The following KDM2B variants were observed in gnomAD, a reference collection of about 807,000 sequenced individuals.
The protein encoded by KDM2B is lysine-specific demethylase 2B.
In KDM2B, 26 loss-of-function variants were observed where a neutral mutation model predicts 150.0. The observed-to-expected ratio is 0.17, with a 90% CI of 0.13 to 0.24. The LOEUF is 0.24. KDM2B is among the 10% of genes least tolerant of loss of function. The probability of loss-of-function intolerance (pLI) is 1.00; values close to 1 mark genes in which losing one functional copy is unlikely to be tolerated. For missense variants in KDM2B, 1,265 were observed against 1,816.9 expected (o/e 0.70, Z 5.52); for synonymous variants, 734 against 729.5 (o/e 1.01, Z -0.10).
chr12:121,552,676 TAAAA>T (rs5801436), intron 4 of KDM2B, among the ~76,000 whole-genome samples: 1 of 131,844 alleles, frequency 7.6e-6, no homozygotes, highest in South Asian at 2.4e-4. Context: ...CTGTCTTAAT[TAAAA>T]AAAAAAAAAA....
chr12:121,509,451 C>G, intron 11 of KDM2B, 116 bp downstream of exon 11: 1 of 1,496,284 alleles, frequency 6.7e-7, no homozygotes, highest in Non-Finnish European at 8.8e-7. Context: ...AGCGCCCACC[C>G]GAATGCTCAG....
intron 12 of KDM2B, among the ~76,000 whole-genome samples, chr12:121,489,099 T>C (rs1326568492): frequency 1.3e-5 from 2 of 151,584 alleles, no homozygotes; most frequent in Middle Eastern, 3.2e-3. Flanking sequence ...TGAGCCACCA[T>C]GCCTGGCCTC....
At chr12:121,511,042 GCT>G (rs1555303900) in intron 10 of KDM2B, among the ~76,000 whole-genome samples, 2 of 149,780 alleles carry the variant, frequency 1.3e-5, no homozygotes, top group South Asian at 2.1e-4. Flanking sequence ...ACAGAGTCTC[GCT>G]CTGTCACCCA....
downstream of KDM2B, among the ~76,000 whole-genome samples, chr12:121,426,452 C>CCCCCT (rs1555284248): frequency 8.0e-6 from 1 of 125,744 alleles, no homozygotes; most frequent in African/African-American, 3.4e-5. Context: ...CCTCCCCCCC[C>CCCCCT]TTTTTTTTTT....
At chr12:121,511,081 G>T (rs1885541912) in intron 10 of KDM2B, among the ~76,000 whole-genome samples, 1 of 151,398 alleles carries the variant, frequency 6.6e-6, no homozygotes, top group Non-Finnish European at 1.5e-5. Context: ...AGTGATCTCA[G>T]CTCACTGCAA....
At chr12:121,458,517 G>T (rs1221973368) in intron 12 of KDM2B, among the ~76,000 whole-genome samples, 2 of 151,434 alleles carry the variant, frequency 1.3e-5, no homozygotes, top group South Asian at 2.1e-4. Context: ...ATAGGGGGAT[G>T]GGGGGTGGGG....
chr12:121,565,273 C>G (rs549654856), intron 4 of KDM2B, among the ~76,000 whole-genome samples: 1 of 152,174 alleles, frequency 6.6e-6, no homozygotes, highest in African/African-American at 2.4e-5. Context: ...ATGGAGTCAC[C>G]TCATTTATGA....
At position 121,467,093 on chromosome 12, in the gene KDM2B, G is replaced by A. The variant is rs1593850277; in HGVS notation, c.1735-13749C>T. ...GCGGCGTCGCGGCCGCCCTCGGCGCGTCAGACAGGCGGTCGGGAGGTCGTG... is the reference window on the plus strand; with the variant it reads ...GCGGCGTCGCGGCCGCCCTCGGCGCATCAGACAGGCGGTCGGGAGGTCGTG... On this transcript the variant is annotated intron_variant, in intron 12 of 22. Coordinates refer to ENST00000377071, the MANE Select transcript of KDM2B (RefSeq NM_032590.5). The surrounding 1 kb of genome is among the most constrained non-coding windows in gnomAD (Gnocchi z 5.1). 3 of 991,536 alleles carry A rather than the reference G, an allele frequency of 3.0e-6. No individual in the cohort carries two copies. Among genetic ancestry groups the A allele is most frequent in the East Asian group, 1.1e-4 (1 of 9,006 alleles). 61.4% of individuals were successfully genotyped at this position (991,536 alleles called of 1,614,324 possible).
At position 121,444,234 on chromosome 12, in the gene KDM2B, C is replaced by A; in HGVS notation, c.2229G>T (p.Leu743=). The A allele has an allele frequency of 6.2e-7, 1 of 1,613,858 alleles. No homozygotes were observed. The highest frequency in any genetic ancestry group is 8.5e-7 in the Non-Finnish European group (1 of 1,180,046). The change falls in exon 16 of 23, where the codon CTG becomes CTT. Residue 743 remains leucine, a synonymous_variant. Coordinates refer to ENST00000377071, the MANE Select transcript of KDM2B (RefSeq NM_032590.5). ...TCTGCTCCTTGAGCAGGGAGCCGGG[C>A]AGGTTGGAGGCGTACTTAAAGCCAG... is the stretch of plus-strand genomic sequence containing the variant. ...RGPGFKYASN[L]PGSLLKEQKM... is the part of the protein sequence containing the mutation.
At position 121,510,001 on chromosome 12, in the gene KDM2B, C is replaced by A; in HGVS notation, c.1213G>T (p.Asp405Tyr). The A allele has an allele frequency of 1.3e-6, 2 of 1,590,364 alleles. No homozygotes were observed. The highest frequency in any genetic ancestry group is 1.7e-6 in the Non-Finnish European group (2 of 1,168,058). The part of the protein sequence containing the change: ...RKPSIDGFSS[D>Y]SWLEMEEEAC... Reference sequence around the variant, plus strand: ...TCCTCCTCCATCTCCAGCCAGGAATCCGAAGAGAAGCCGTCTATGCTGGGC... The same window carrying A: ...TCCTCCTCCATCTCCAGCCAGGAATACGAAGAGAAGCCGTCTATGCTGGGC... The change falls in exon 11 of 23, where the codon GAT (aspartate) becomes TAT (tyrosine). Residue 405 changes from aspartate (D) to tyrosine (Y), a missense_variant. Around this residue, in one of 11 missense-constraint regions of KDM2B, gnomAD observed 154 missense variants for 162.5 expected, o/e 0.95. Coordinates refer to ENST00000377071, the MANE Select transcript of KDM2B (RefSeq NM_032590.5).
intron 12 of KDM2B, among the ~76,000 whole-genome samples, chr12:121,473,733 A>AG (rs1555296271): frequency 4.4e-4 from 66 of 150,052 alleles, no homozygotes; most frequent in African/African-American, 1.4e-3. Context: ...AAAAAAAAAA[A>AG]AGAGAGAGAG....
chr12:121,437,928 A>G (rs1874280168), intron 22 of KDM2B, among the ~76,000 whole-genome samples: 1 of 151,706 alleles, frequency 6.6e-6, no homozygotes, highest in Admixed American at 6.6e-5. Context: ...GTTTAGGTAT[A>G]GAGATATGCC....
chr12:121,578,952 A>C lies in KDM2B; in HGVS notation c.127-6T>G. The C allele has an allele frequency of 6.2e-7, 1 of 1,610,942 alleles. No homozygotes were observed. Among genetic ancestry groups the C allele is most frequent in the South Asian group, 1.1e-5 (1 of 90,740 alleles). ...CGCTGGCGGTCAATCGGGCGCTGCG[A>C]GGACCCAAACCAGAGAGCCCGGGAC... On this transcript the variant is annotated splice_region_variant and splice_polypyrimidine_tract_variant and intron_variant, in intron 1 of 22. Coordinates refer to ENST00000377071, the MANE Select transcript of KDM2B (RefSeq NM_032590.5).
intron 19 of KDM2B, among the ~76,000 whole-genome samples, chr12:121,441,756 C>T (rs1280696366): frequency 6.6e-6 from 1 of 152,220 alleles, no homozygotes; most frequent in African/African-American, 2.4e-5. Context: ...GGCTTTACAA[C>T]GCCCTCTACC....
Position 121,441,152 on chromosome 12 carries a change from G to A in KDM2B, c.3366C>T (p.Ile1122=), listed in dbSNP as rs1874954120. The change falls in exon 20 of 23, where the codon ATC becomes ATT. Residue 1122 remains isoleucine (I), a synonymous_variant. Transcript: ENST00000377071. ...SITPLMLSGI[I]RRQPVSLDLS... The stretch of plus-strand genomic sequence containing the variant: ...GGTCGAGGGAGACGGGCTGTCGCCG[G>A]ATGATGCCACTCAGCATCAGGGGTG... 3 of 1,614,198 alleles carry A rather than the reference G, an allele frequency of 1.9e-6. No individual in the cohort carries two copies. The highest frequency in any genetic ancestry group is 2.5e-6 in the Non-Finnish European group (3 of 1,180,012).
At chr12:121,573,357 G>A (rs374463807) in intron 4 of KDM2B, among the ~76,000 whole-genome samples, 86 of 149,728 alleles carry the variant, frequency 5.7e-4, no homozygotes, top group African/African-American at 1.1e-3. Context: ...ATCTCAGCTC[G>A]CTGCAGCCTC....
chr12:121,487,948 A>C (rs543970908), intron 12 of KDM2B, among the ~76,000 whole-genome samples: 16 of 151,922 alleles, frequency 1.1e-4, no homozygotes, highest in African/African-American at 3.1e-4. Context: ...TGCCCGGCTA[A>C]TTTTTTGTAT....
chr12:121,534,153 T>C lies in KDM2B; in HGVS notation c.777+344A>G, dbSNP rs1555308296. 3.3e-5 allele frequency among the ~76,000 whole-genome samples: 5 copies of C among 152,136 alleles called. No individual in the cohort carries two copies. The South Asian group carries it at 6.2e-4, about 19-fold the overall frequency. ...TCACGAGGTCAGGAGATCGAGACCA[T>C]CCTGGCTAACACGGTGAAACCCCGT... On this transcript the variant is annotated intron_variant, in intron 7 of 22. Transcript: ENST00000377071.
chr12:121,580,787 T>C lies in KDM2B; in HGVS notation c.125A>G (p.Gln42Arg). The change falls in exon 1 of 23, where the codon CAG becomes CGG. Residue 42 changes from glutamine to arginine, a missense_variant and splice_region_variant. This residue lies in a region of KDM2B where 53 missense variants were observed against 56.0 expected (regional missense o/e 0.95). Transcript: ENST00000377071. ...TKCFEFESAT[Q>R]RPIDRQRYDE... Reference sequence around the variant, plus strand: ...CATCCACCCCTCCCCCAACATTACCTGTGTGGCCGACTCAAATTCAAAGCA... The same window carrying C: ...CATCCACCCCTCCCCCAACATTACCCGTGTGGCCGACTCAAATTCAAAGCA... 1 of 1,609,202 alleles carries C rather than the reference T, an allele frequency of 6.2e-7. No homozygotes were observed. Among genetic ancestry groups the C allele is most frequent in the Non-Finnish European group, 8.5e-7 (1 of 1,177,272 alleles).
Sources: gnomAD v4.1 joint callset for allele counts (sites outside exome capture counted in the v4.1 genomes callset) on GRCh38, gnomAD v4.1.1 for gene constraint, gnomAD v4.1.1 regional missense constraint, Gnocchi (gnomAD v3.1) non-coding constraint, MANE v1.5 for transcripts, NCBI Gene and HGNC (gene_info 2026-07-23, HGNC 2026-07-21) for gene names.